AKIP1: variants seen among roughly 807,000 people sequenced by gnomAD.
The protein encoded by AKIP1 is A-kinase-interacting protein 1.
AKIP1 carries 18 observed loss-of-function variants against 22.3 expected under a neutral mutation model. That is an observed-to-expected ratio of 0.81 (90% CI 0.56 to 1.19). The LOEUF (loss-of-function observed/expected upper bound fraction) is 1.19. Ranked by LOEUF, AKIP1 falls within the 50% of genes most tolerant of loss-of-function variation. The pLI is 0.00. For missense variants in AKIP1, 287 were observed against 264.6 expected (o/e 1.08, Z -0.59); for synonymous variants, 120 against 102.7 (o/e 1.17, Z -1.02).
intron 3 of AKIP1, among the ~76,000 whole-genome samples, chr11:8,914,514 A>G (rs1165300192): frequency 6.6e-6 from 1 of 152,234 alleles, no homozygotes; most frequent in East Asian, 1.9e-4. Context: ...TGCATTGGAC[A>G]TGGGGGCAAA....
At chr11:8,912,355 G>GCC in intron 2 of AKIP1, 98 bp from the exon 3 acceptor site, 1 of 918,534 alleles carries the variant, frequency 1.1e-6, no homozygotes. Context: ...AACTTGCAGA[G>GCC]CCTTTCCAAA....
intron 5 of AKIP1, among the ~76,000 whole-genome samples, 188 bp from the exon 6 acceptor site, chr11:8,919,148 GA>G (rs1284868784): frequency 6.6e-6 from 1 of 152,178 alleles, no homozygotes; most frequent in African/African-American, 2.4e-5. Flanking sequence ...TAGAAATAAG[GA>G]AAGGCTGAGA....
intron 3 of AKIP1, among the ~76,000 whole-genome samples, chr11:8,912,734 C>G (rs1398908257): frequency 6.6e-6 from 1 of 152,102 alleles, no homozygotes; most frequent in Non-Finnish European, 1.5e-5. Context: ...GAATGCCTAA[C>G]CCTGTAGCTG....
intron 4 of AKIP1, 110 bp from the exon 5 acceptor site, chr11:8,917,177 A>G: frequency 4.5e-6 from 3 of 669,556 alleles, no homozygotes; most frequent in Non-Finnish European, 4.9e-6. Flanking sequence ...GACAACTTAG[A>G]AAAAGCTGAC....
intron 5 of AKIP1, among the ~76,000 whole-genome samples, chr11:8,918,441 C>G (rs1356125084): frequency 1.3e-5 from 2 of 152,164 alleles, no homozygotes; most frequent in African/African-American, 4.8e-5. Flanking sequence ...TAAACATGAT[C>G]ATTTATTCCT....
Position 8,919,673 on chromosome 11 carries a change from G to A in AKIP1, c.*193G>A. On this transcript the variant is annotated 3_prime_UTR_variant, in exon 6 of 6. Coordinates refer to ENST00000309377, the MANE Select transcript of AKIP1 (RefSeq NM_020642.4). Reference sequence around the variant, plus strand: ...TTTTTTTTTGAGACAGTCTCACTCTGTTGCCCAGGCTGGAGTGCAGTGGCG... The same window carrying A: ...TTTTTTTTTGAGACAGTCTCACTCTATTGCCCAGGCTGGAGTGCAGTGGCG... 3.6e-6 allele frequency: 2 copies of A among 559,476 alleles called. No homozygotes were observed. Among genetic ancestry groups the A allele is most frequent in the Non-Finnish European group, 6.1e-6 (2 of 326,312 alleles). The allele number at this position is 559,476 out of a possible 1,614,324, so 34.7% of individuals were successfully genotyped here. A position where few individuals can be genotyped will look rare whatever the true frequency, so the allele number is the denominator to read the frequency against.
intron 3 of AKIP1, among the ~76,000 whole-genome samples, chr11:8,914,458 G>A (rs1252762265): frequency 2.0e-5 from 3 of 152,132 alleles, no homozygotes; most frequent in Non-Finnish European, 4.4e-5. Context: ...CAATAAACAT[G>A]GAACCGTTCA....
chr11:8,917,198 C>T (rs1566106756), intron 4 of AKIP1, 89 bp from the exon 5 acceptor site: 7 of 785,502 alleles, frequency 8.9e-6, no homozygotes, highest in Middle Eastern at 4.1e-4. Flanking sequence ...AGAACAATTA[C>T]TAACTCCTAA....
rs773295105 is a variant in AKIP1, at chr11:8,911,426, C to T, written c.-6-18C>T. 1.2e-5 allele frequency: 18 copies of T among 1,558,724 alleles called. No individual in the cohort carries two copies. In the South Asian group the frequency reaches 2.1e-4, roughly 19 times the overall value. On this transcript the variant is annotated intron_variant, in intron 1 of 5. Transcript: ENST00000309377. ...CCCAGCTGACCCGCCGGCGTTTGTA[C>T]GTTGTGTGCCCACTCAGGGAGCCAT...
intron 2 of AKIP1, among the ~76,000 whole-genome samples, chr11:8,911,936 G>A (rs975454199): frequency 2.0e-5 from 3 of 151,574 alleles, no homozygotes; most frequent in Non-Finnish European, 4.4e-5. Flanking sequence ...GGTGGCTCAT[G>A]CCTGCAATCC....
At chr11:8,915,582 A>G (rs2064471303) in intron 4 of AKIP1, among the ~76,000 whole-genome samples, 1 of 150,372 alleles carries the variant, frequency 6.7e-6, no homozygotes, top group African/African-American at 2.4e-5. Context: ...AGGCTGGGGG[A>G]AAAGATTTTT....
intron 4 of AKIP1, 35 bp from the exon 5 acceptor site, chr11:8,917,252 T>C: frequency 6.9e-7 from 1 of 1,449,250 alleles, no homozygotes; most frequent in East Asian, 2.3e-5. Flanking sequence ...AAGTGAAAGC[T>C]TGGGCACAAA....
rs532851876 is a variant in AKIP1, at chr11:8,915,978, G to A, written c.408+1048G>A. ...CTGGGACTACAGGCGTTGCCACCAC[G>A]CCTGGCTAATTTTTTGTATTTTTAG... On this transcript the variant is annotated intron_variant, in intron 4 of 5. Coordinates refer to ENST00000309377, the MANE Select transcript of AKIP1 (RefSeq NM_020642.4). 1.4e-3 allele frequency among the ~76,000 whole-genome samples: 208 copies of A among 151,970 alleles called. 1 individual carries two copies. Among genetic ancestry groups the A allele is most frequent in the African/African-American group, 4.7e-3 (196 of 41,448 alleles).
At chr11:8,918,711 CT>C (rs1324932245) in intron 5 of AKIP1, among the ~76,000 whole-genome samples, 1 of 152,196 alleles carries the variant, frequency 6.6e-6, no homozygotes, top group East Asian at 1.9e-4. Context: ...ACTGATTGTG[CT>C]CAGTTCGGCT....
chr11:8,917,322 A>G lies in AKIP1; in HGVS notation c.444A>G (p.Gly148=). 2 of 1,613,312 alleles carry G rather than the reference A, an allele frequency of 1.2e-6. No homozygotes were observed. Among genetic ancestry groups the G allele is most frequent in the Non-Finnish European group, 1.7e-6 (2 of 1,179,600 alleles). The part of the protein sequence containing the change: ...KDRKKTSLGP[G]GSYQISEHAP... Reference sequence around the variant, plus strand: ...GAAAAAAGACATCCCTTGGTCCTGGAGGCAGCTATCAAATATCAGAGCATG... The same window carrying G: ...GAAAAAAGACATCCCTTGGTCCTGGGGGCAGCTATCAAATATCAGAGCATG... The change falls in exon 5 of 6, where the codon GGA becomes GGG. Residue 148 remains glycine, a synonymous_variant. Coordinates refer to ENST00000309377, the MANE Select transcript of AKIP1 (RefSeq NM_020642.4).
At chr11:8,912,643 C>T in intron 3 of AKIP1, 110 bp downstream of exon 3, 3 of 964,820 alleles carry the variant, frequency 3.1e-6, no homozygotes, top group Non-Finnish European at 4.9e-6. Flanking sequence ...CCTGCCCAGC[C>T]TTCACGGTCA....
At chr11:8,912,411 G>T (rs1472051001) in intron 2 of AKIP1, 42 bp from the exon 3 acceptor site, 2 of 1,535,264 alleles carry the variant, frequency 1.3e-6, no homozygotes, top group African/African-American at 2.7e-5. Flanking sequence ...CTCCAGTAGG[G>T]AATCCTAGAG....
In AKIP1 at chr11:8,911,223, G is replaced by GT; in HGVS notation, c.-7_-7+1insT. ...CGCATGCGCCTTGACGAGTGAGCCG[G>GT]GTGAGGGGGCTCCCTAAGTAGCGGA... On this transcript the variant is annotated splice_region_variant and 5_prime_UTR_variant. Transcript: ENST00000309377. 21 of 561,842 alleles carry GT rather than the reference G, an allele frequency of 3.7e-5. No homozygotes were observed. Among genetic ancestry groups the GT allele is most frequent in the South Asian group, 1.4e-4 (6 of 44,046 alleles). 34.8% of individuals were successfully genotyped at this position (561,842 alleles called of 1,614,324 possible).
chr11:8,911,648 C>G lies in AKIP1; in HGVS notation c.199C>G (p.Pro67Ala), dbSNP rs2064351488. 3.2e-6 allele frequency: 5 copies of G among 1,571,724 alleles called. No homozygotes were observed. In the South Asian group the frequency reaches 4.7e-5, roughly 15 times the overall value. Residue 67 changes from proline (P) to alanine (A), a missense_variant, in exon 2 of 6, where the codon CCG (proline) becomes GCG (alanine). Pro to Ala is a conservative substitution (Grantham distance 27, BLOSUM62 -1). Transcript: ENST00000309377. ...CCTAGAGAAACAGCCGGCAGCCGGC[C>G]CGCAGCGCGTTCTCCCGGGAGAGGT... ...PHLEKQPAAG[P>A]QRVLPGEREE... is the part of the protein sequence containing the mutation.
Sources: allele counts gnomAD v4.1 joint callset (sites outside exome capture counted in the v4.1 genomes callset), GRCh38; gene constraint gnomAD v4.1.1; transcripts MANE v1.5; gene names NCBI Gene and HGNC (gene_info 2026-07-23, HGNC 2026-07-21).